The following NMT2 variants were observed in gnomAD, a reference collection of about 807,000 sequenced individuals.
NMT2 encodes the protein glycylpeptide N-tetradecanoyltransferase 2.
Under a neutral mutation model 65.4 loss-of-function variants are expected in NMT2, and 35 were observed. The ratio of observed to expected loss-of-function variants is 0.54; its 90% CI spans 0.41 to 0.71. NMT2 has a LOEUF of 0.71. NMT2 is among the 30% of genes least tolerant of loss of function. The pLI is 0.00. For synonymous variants in NMT2, 226 were observed against 231.8 expected (o/e 0.98, Z 0.23); for missense variants, 489 against 611.3 (o/e 0.80, Z 2.11).
chr10:15,139,552 A>C (rs896746146), intron 2 of NMT2, among the ~76,000 whole-genome samples: 1 of 152,030 alleles, frequency 6.6e-6, no homozygotes, highest in African/African-American at 2.4e-5. Flanking sequence ...TAGAAACGGG[A>C]AGAGTGTTTT....
At chr10:15,162,533 A>G (rs549476974) in intron 1 of NMT2, among the ~76,000 whole-genome samples, 1 of 151,982 alleles carries the variant, frequency 6.6e-6, no homozygotes, top group South Asian at 2.1e-4. Context: ...ATGACTGCCC[A>G]ACTGGATTAC....
chr10:15,117,259 T>G (rs1845776488), intron 9 of NMT2, among the ~76,000 whole-genome samples: 1 of 152,210 alleles, frequency 6.6e-6, no homozygotes, highest in Admixed American at 6.5e-5. Context: ...AACCAATCAA[T>G]GTAATCTAAC....
chr10:15,112,960 G>T lies in NMT2; in HGVS notation c.1174C>A (p.Pro392Thr). The T allele has an allele frequency of 1.2e-6, 2 of 1,613,916 alleles. No individual in the cohort carries two copies. The highest frequency in any genetic ancestry group is 1.7e-6 in the Non-Finnish European group (2 of 1,179,918). Residue 392 changes from proline to threonine, a missense_variant, in exon 10 of 12, where the codon CCC (proline) becomes ACC (threonine). Coordinates refer to ENST00000378165, the MANE Select transcript of NMT2 (RefSeq NM_004808.3). The stretch of plus-strand genomic sequence containing the variant: ...AGGAAATCAGTCAGTTTACCGTTGG[G>T]GCTCTAGGAGCAAAAGTGCTGTCAG... ...HIIDTFVVESPNGKLTDFLSF... is the reference protein window; with the variant it reads ...HIIDTFVVESTNGKLTDFLSF...
chr10:15,159,577 G>A (rs1458086587), intron 1 of NMT2, among the ~76,000 whole-genome samples: 3 of 151,992 alleles, frequency 2.0e-5, no homozygotes, highest in Non-Finnish European at 4.4e-5. Context: ...ACAGGTGCCC[G>A]CCATCGTGCC....
intron 10 of NMT2, chr10:15,111,536 A>G (rs1845517188): frequency 6.6e-6 from 1 of 150,626 alleles, no homozygotes; most frequent in Admixed American, 6.6e-5. Flanking sequence ...AAAAAAGTAT[A>G]AAAAAATAGT....
At chr10:15,139,124 G>T (rs1353612627) in intron 2 of NMT2, among the ~76,000 whole-genome samples, 1 of 152,132 alleles carries the variant, frequency 6.6e-6, no homozygotes, top group East Asian at 1.9e-4. Flanking sequence ...GATGCTTCCT[G>T]CCCTCGAACA....
Position 15,136,807 on chromosome 10 carries a change from C to G in NMT2, c.247-1389G>C, listed in dbSNP as rs1394587098. Among the ~76,000 whole-genome samples the G allele has an allele frequency of 3.3e-5, 5 of 150,408 alleles. No individual in the cohort carries two copies. In the East Asian group the frequency reaches 9.7e-4, roughly 29 times the overall value. ...TTCTCAAAGCCAATATTCCCGCCAG[C>G]TCTTGGAGATTCCCCAGTTCTTTTT... On this transcript the variant is annotated intron_variant, in intron 2 of 11. Transcript: ENST00000378165.
chr10:15,114,184 G>A (rs1420315271), intron 9 of NMT2, among the ~76,000 whole-genome samples: 8 of 152,164 alleles, frequency 5.3e-5, no homozygotes, highest in African/African-American at 1.9e-4. Context: ...GGTTTAATAA[G>A]GATTTTAGAT....
intron 1 of NMT2, among the ~76,000 whole-genome samples, chr10:15,155,545 T>G (rs866950965): frequency 3.0e-5 from 4 of 132,418 alleles, no homozygotes; most frequent in South Asian, 2.7e-4. Flanking sequence ...GTTTTTTTTT[T>G]TTTTTTTTTT....
rs924268533 is a variant in NMT2 at position 15,108,929 on chromosome 10, G to C, written c.*266C>G. 1.5e-5 allele frequency: 18 copies of C among 1,222,490 alleles called. 1 individual carries two copies. The Admixed American group carries it at 3.3e-4, about 23-fold the overall frequency. 75.7% of individuals were successfully genotyped at this position (1,222,490 alleles called of 1,614,324 possible). On this transcript the variant is annotated 3_prime_UTR_variant, in exon 12 of 12. Coordinates refer to ENST00000378165, the MANE Select transcript of NMT2 (RefSeq NM_004808.3). ...TGAAAAAATACCTCTTCAAGAGACAGGCAAAAATTTGAAAATTACAAGAAT... is the reference window on the plus strand; with the variant it reads ...TGAAAAAATACCTCTTCAAGAGACACGCAAAAATTTGAAAATTACAAGAAT...
chr10:15,123,883 T>C (rs1011585742), intron 8 of NMT2, among the ~76,000 whole-genome samples: 5 of 152,306 alleles, frequency 3.3e-5, no homozygotes, highest in Middle Eastern at 3.4e-3. Flanking sequence ...CTCAGAGCTC[T>C]ATTAAAAAAC....
intron 2 of NMT2, among the ~76,000 whole-genome samples, chr10:15,137,558 G>C (rs148067790): frequency 3.9e-4 from 60 of 152,064 alleles, no homozygotes; most frequent in African/African-American, 1.4e-3. Flanking sequence ...CCATCTATTA[G>C]AAGACCTTAC....
intron 1 of NMT2, among the ~76,000 whole-genome samples, chr10:15,164,569 G>A (rs554585136): frequency 9.8e-5 from 15 of 152,326 alleles, no homozygotes; most frequent in Non-Finnish European, 2.1e-4. Flanking sequence ...GACATCAAAA[G>A]GACAGCGAGA....
At chr10:15,158,740 G>C (rs1362020492) in intron 1 of NMT2, among the ~76,000 whole-genome samples, 2 of 152,206 alleles carry the variant, frequency 1.3e-5, no homozygotes, top group Admixed American at 1.3e-4. Context: ...ATTACTTAAA[G>C]AAAAGACATT....
In NMT2 at chr10:15,130,703, C is replaced by CAAA. The variant is rs974360507; in HGVS notation, c.720-394_720-392dup. ...TGGACAACAGAGCAAGGCCCTGTCT[C>CAAA]AAAAAAAAAAAAAAAAAAAAAAAAG... On this transcript the variant is annotated intron_variant, in intron 6 of 11. Transcript: ENST00000378165. Among the ~76,000 whole-genome samples, 174 of 28,588 alleles carry CAAA rather than the reference C, an allele frequency of 6.1e-3. 3 individuals are homozygous for CAAA. The highest frequency in any genetic ancestry group is 0.015 in the African/African-American group (119 of 8,032). 18.8% of individuals were successfully genotyped at this position (28,588 alleles called of 152,430 possible).
intron 6 of NMT2, 93 bp downstream of exon 6, chr10:15,132,724 G>A: frequency 1.1e-6 from 1 of 894,386 alleles, no homozygotes. Context: ...CACTGCGCTT[G>A]GCCTGCATTC....
intron 6 of NMT2, among the ~76,000 whole-genome samples, chr10:15,131,861 T>A (rs945433032): frequency 1.3e-5 from 2 of 152,070 alleles, no homozygotes; most frequent in Non-Finnish European, 1.5e-5. Flanking sequence ...TCCTAAAAAA[T>A]TTTTAAGTAA....
intron 8 of NMT2, among the ~76,000 whole-genome samples, chr10:15,124,819 T>G (rs1846028263): frequency 6.6e-6 from 1 of 152,210 alleles, no homozygotes; most frequent in African/African-American, 2.4e-5. Context: ...CTTTAATCTC[T>G]CTTTTATTCT....
intron 1 of NMT2, chr10:15,155,254 C>T (rs780494396): frequency 3.6e-5 from 54 of 1,480,978 alleles, no homozygotes; most frequent in East Asian, 6.8e-5. Flanking sequence ...GCAAACAGTT[C>T]GAAGGAGACG....
Sources: allele counts gnomAD v4.1 joint callset (sites outside exome capture counted in the v4.1 genomes callset), GRCh38; gene constraint gnomAD v4.1.1; transcripts MANE v1.5; gene names NCBI Gene and HGNC (gene_info 2026-07-23, HGNC 2026-07-21).